GOLGA8A: variants seen among roughly 807,000 people sequenced by gnomAD.
GOLGA8A encodes golgin A8 family member A, also known as golgin subfamily A member 8A.
GOLGA8A carries 3 observed loss-of-function variants against 22.1 expected under a neutral mutation model. The ratio of observed to expected loss-of-function variants is 0.14; its 90% CI spans 0.06 to 0.35. GOLGA8A has a LOEUF of 0.35. GOLGA8A is among the 10% of genes least tolerant of loss of function. GOLGA8A has a pLI of 1.00. For synonymous variants in GOLGA8A, 7 were observed against 91.7 expected (o/e 0.08, Z 5.28); for missense variants, 16 against 233.2 (o/e 0.07, Z 6.07).
At chr15:34,409,160 GT>G (rs1339065498) in intron 2 of GOLGA8A, among the ~76,000 whole-genome samples, 1 of 139,458 alleles carries the variant, frequency 7.2e-6, no homozygotes, top group African/African-American at 2.6e-5. Context: ...GCCTTTGCGT[GT>G]ATGTATGGGC....
chr15:34,420,906 G>A (rs1346302016), intron 2 of GOLGA8A, among the ~76,000 whole-genome samples: 1 of 126,528 alleles, frequency 7.9e-6, no homozygotes, highest in Non-Finnish European at 1.7e-5. Flanking sequence ...GATCAATACT[G>A]AGCATTGATG....
intron 2 of GOLGA8A, among the ~76,000 whole-genome samples, chr15:34,430,805 G>A (rs74007813): frequency 6.7e-6 from 1 of 149,684 alleles, no homozygotes; most frequent in Non-Finnish European, 1.5e-5. Context: ...TGCCCTTCTC[G>A]GGATGAGTCA....
At chr15:34,432,360 T>C (rs1338183967) in intron 2 of GOLGA8A, among the ~76,000 whole-genome samples, 1 of 148,240 alleles carries the variant, frequency 6.7e-6, no homozygotes, top group East Asian at 2.0e-4. Context: ...TGATACAAAA[T>C]GGGCCCCAGC....
intron 2 of GOLGA8A, among the ~76,000 whole-genome samples, chr15:34,424,017 C>T (rs75993175): frequency 0.078 from 11,375 of 146,174 alleles, 241 homozygotes; most frequent in South Asian, 0.19. Context: ...TGAGGAGACC[C>T]TCTGAGCCCC....
intron 1 of GOLGA8A, among the ~76,000 whole-genome samples, chr15:34,436,547 G>A (rs1197848708): frequency 1.3e-5 from 2 of 150,014 alleles, no homozygotes; most frequent in African/African-American, 2.5e-5. Flanking sequence ...GCCCCTCTAA[G>A]GCTCTGCTCT....
At chr15:34,433,687 T>C (rs567513968) in intron 2 of GOLGA8A, among the ~76,000 whole-genome samples, 1 of 149,446 alleles carries the variant, frequency 6.7e-6, no homozygotes, top group African/African-American at 2.5e-5. Context: ...CCGTGTTTCA[T>C]TCACTCACTC....
Position 34,437,468 on chromosome 15 carries a change from T to G in GOLGA8A, c.-1282A>C, listed in dbSNP as rs1385069872. ...CGCCGCCGTCCTCGCCGCGCCGCCG[T>G]CCTCGCCGCGCCGCCGTCCTCGCCG... is the stretch of plus-strand genomic sequence containing the variant. On this transcript the variant is annotated 5_prime_UTR_variant, in exon 1 of 25. Coordinates refer to ENST00000359187, the MANE Select transcript of GOLGA8A (RefSeq NM_181077.5). The G allele has an allele frequency of 1.1e-4, 9 of 79,664 alleles. No homozygotes were observed. The highest frequency in any genetic ancestry group is 3.8e-4 in the South Asian group (1 of 2,626). 4.9% of individuals were successfully genotyped at this position (79,664 alleles called of 1,614,324 possible).
At chr15:34,436,320 G>T (rs1009015481) in intron 1 of GOLGA8A, among the ~76,000 whole-genome samples, 8 of 149,496 alleles carry the variant, frequency 5.4e-5, no homozygotes, top group Admixed American at 3.4e-4. Flanking sequence ...AAACAAAGAG[G>T]CACAGAAGGC....
intron 2 of GOLGA8A, among the ~76,000 whole-genome samples, chr15:34,432,205 T>C (rs563715884): frequency 6.7e-6 from 1 of 149,250 alleles, no homozygotes; most frequent in African/African-American, 2.5e-5. Context: ...TTCCCATCGC[T>C]GTATAGGGCC....
At chr15:34,409,410 T>TA (rs962809493) in intron 2 of GOLGA8A, among the ~76,000 whole-genome samples, 2 of 126,416 alleles carry the variant, frequency 1.6e-5, no homozygotes, top group African/African-American at 3.0e-5. Context: ...TCCAGTTTTT[T>TA]AAGAGATTGC....
rs1274522096 is a variant in GOLGA8A at position 34,379,720 on chromosome 15, A to C, written c.*1691T>G. ...GGAGCACACCTACATATCTCCCTAC[A>C]ACCTAATAATGTGATGTGTTTTGGA... is the stretch of plus-strand genomic sequence containing the variant. On this transcript the variant is annotated 3_prime_UTR_variant, in exon 25 of 25. Transcript: ENST00000359187. 2.6e-5 allele frequency: 4 copies of C among 152,614 alleles called. No individual in the cohort carries two copies. The highest frequency in any genetic ancestry group is 4.8e-5 in the African/African-American group (2 of 41,462). 9.5% of individuals were successfully genotyped at this position (152,614 alleles called of 1,614,324 possible).
chr15:34,421,244 G>C (rs1157725220), intron 2 of GOLGA8A, among the ~76,000 whole-genome samples: 1 of 143,460 alleles, frequency 7.0e-6, no homozygotes, highest in Non-Finnish European at 1.5e-5. Context: ...ACAGGCTTCA[G>C]CTACTAATTT....
intron 7 of GOLGA8A, among the ~76,000 whole-genome samples, 190 bp from the exon 8 acceptor site, chr15:34,398,919 C>T (rs1456753586): frequency 7.7e-6 from 1 of 130,280 alleles, no homozygotes; most frequent in African/African-American, 2.7e-5. Flanking sequence ...TGCAAGTGGC[C>T]TACATGAGCA....
rs72034325 is a variant in GOLGA8A at position 34,425,388 on chromosome 15, TA to T, written c.-1123+9994del. Among the ~76,000 whole-genome samples, 34 of 129,308 alleles carry T rather than the reference TA, an allele frequency of 2.6e-4. 1 individual carries two copies. The highest frequency in any genetic ancestry group is 9.0e-4 in the East Asian group (4 of 4,424). 84.8% of individuals were successfully genotyped at this position (129,308 alleles called of 152,430 possible). On this transcript the variant is annotated intron_variant, in intron 2 of 24. Coordinates refer to ENST00000359187, the MANE Select transcript of GOLGA8A (RefSeq NM_181077.5). Reference sequence around the variant, plus strand: ...ACTAGGAAATTAGGTTGGAATCCTATAAAAAAAAAAAAACTACATCCACAAA... The same window carrying T: ...ACTAGGAAATTAGGTTGGAATCCTATAAAAAAAAAAAACTACATCCACAAA...
At position 34,428,420 on chromosome 15, in the gene GOLGA8A, A is replaced by G. The variant is rs1454392006; in HGVS notation, c.-1123+6963T>C. Among the ~76,000 whole-genome samples, 2 of 148,460 alleles carry G rather than the reference A, an allele frequency of 1.3e-5. 1 individual carries two copies. The highest frequency in any genetic ancestry group is 5.0e-5 in the African/African-American group (2 of 40,150). On this transcript the variant is annotated intron_variant, in intron 2 of 24. Transcript: ENST00000359187. ...TCAAATCACATTTCTAAGGAGCCTA[A>G]CAAGCAGCAGGCCTTTCCAGTTACA... is the stretch of plus-strand genomic sequence containing the variant.
chr15:34,431,513 C>A (rs957310823), intron 2 of GOLGA8A, among the ~76,000 whole-genome samples: 1 of 147,732 alleles, frequency 6.8e-6, no homozygotes, highest in Non-Finnish European at 1.5e-5. Context: ...TACAAACCTA[C>A]TACAACACAC....
At chr15:34,418,115 T>C (rs1178627413) in intron 2 of GOLGA8A, 6 of 88,206 alleles carry the variant, frequency 6.8e-5, no homozygotes, top group Non-Finnish European at 1.1e-4. Flanking sequence ...TTAGTTGTAG[T>C]AACTGTAGAT....
chr15:34,435,811 G>C (rs1237592601), intron 1 of GOLGA8A, among the ~76,000 whole-genome samples: 3 of 149,100 alleles, frequency 2.0e-5, no homozygotes, highest in African/African-American at 5.0e-5. Flanking sequence ...CCCACTCCAA[G>C]GGCCCCCCTG....
intron 1 of GOLGA8A, among the ~76,000 whole-genome samples, 186 bp from the exon 2 acceptor site, chr15:34,435,657 C>T (rs1344094640): frequency 6.7e-6 from 1 of 148,812 alleles, no homozygotes; most frequent in East Asian, 2.0e-4. Context: ...CACACTCACA[C>T]CCCGTGGGAC....
Sources: allele counts gnomAD v4.1 joint callset (sites outside exome capture counted in the v4.1 genomes callset), GRCh38; gene constraint gnomAD v4.1.1; transcripts MANE v1.5; gene names NCBI Gene and HGNC (gene_info 2026-07-23, HGNC 2026-07-21).